The following DNASE1 variants were observed in gnomAD, a reference collection of about 807,000 sequenced individuals.
DNASE1 encodes deoxyribonuclease-1.
In DNASE1, 40 loss-of-function variants were observed where a neutral mutation model predicts 33.9. The ratio of observed to expected loss-of-function variants is 1.18; its 90% CI spans 0.92 to 1.54. DNASE1 has a LOEUF of 1.54. DNASE1 is among the 40% of genes most tolerant of loss of function. The pLI is 0.00. For synonymous variants in DNASE1, 216 were observed against 160.0 expected (o/e 1.35, Z -2.64); for missense variants, 518 against 372.6 (o/e 1.39, Z -3.21).
intron 1 of DNASE1, among the ~76,000 whole-genome samples, chr16:3,619,589 C>T (rs987818460): frequency 3.4e-5 from 5 of 145,948 alleles, no homozygotes; most frequent in South Asian, 2.2e-4. Flanking sequence ...TCTCTATCTG[C>T]GGACCTTGTG....
downstream of DNASE1, chr16:3,661,958 G>C (rs769018281): frequency 1.9e-6 from 3 of 1,570,246 alleles, no homozygotes; most frequent in Non-Finnish European, 2.6e-6. Flanking sequence ...GAATCCCACA[G>C]GCTGGAAGAG....
chr16:3,657,484 CAA>C (rs2042752868), intron 7 of DNASE1, 143 bp downstream of exon 7: 10 of 1,303,638 alleles, frequency 7.7e-6, no homozygotes, highest in Non-Finnish European at 9.4e-6. Context: ...AACAGAATAA[CAA>C]GAGCCACGAT....
At chr16:3,661,670 C>G (rs138142122), downstream of DNASE1, 1 of 304,670 alleles carries the variant, frequency 3.3e-6, no homozygotes, top group African/African-American at 2.1e-5. Flanking sequence ...CACCAAGATC[C>G]ACGTACAAAG....
chr16:3,655,945 A>G lies in DNASE1; in HGVS notation c.236+8A>G. On this transcript the variant is annotated splice_region_variant and intron_variant, in intron 3 of 8. Transcript: ENST00000246949. ...GCTGGACAACCTCAATCAGTGGGTG[A>G]CAGTGGCAGGGTCATAGGAAGGTGA... The G allele has an allele frequency of 6.2e-7, 1 of 1,613,670 alleles. No homozygotes were observed. The highest frequency in any genetic ancestry group is 1.1e-5 in the South Asian group (1 of 91,076).
downstream of DNASE1, chr16:3,658,689 A>C: frequency 1.7e-6 from 2 of 1,170,888 alleles, no homozygotes; most frequent in African/African-American, 3.1e-5. Flanking sequence ...AAACAAACAA[A>C]CAAAAAGACA....
At chr16:3,633,659 T>G (rs1337271262) in intron 1 of DNASE1, among the ~76,000 whole-genome samples, 1 of 151,896 alleles carries the variant, frequency 6.6e-6, no homozygotes, top group African/African-American at 2.4e-5. Context: ...GTATTTACAG[T>G]TACAACTAAT....
At chr16:3,638,227 C>T (rs940639971), upstream of DNASE1, among the ~76,000 whole-genome samples, 5 of 151,766 alleles carry the variant, frequency 3.3e-5, no homozygotes, top group South Asian at 2.1e-4. Context: ...TTTATCAGTA[C>T]ATAATATGCT....
intron 1 of DNASE1, among the ~76,000 whole-genome samples, chr16:3,637,834 C>T (rs2041915094): frequency 6.6e-6 from 1 of 152,154 alleles, no homozygotes; most frequent in African/African-American, 2.4e-5. Flanking sequence ...TTCCTACCCT[C>T]GTTTCCACTC....
At chr16:3,662,847 G>T, downstream of DNASE1, 1 of 1,607,658 alleles carries the variant, frequency 6.2e-7, no homozygotes, top group Non-Finnish European at 8.5e-7. Flanking sequence ...GGGACACTGC[G>T]GCCAAGTGGT....
chr16:3,645,056 C>G (rs975482818), intron 1 of DNASE1, among the ~76,000 whole-genome samples: 2 of 148,226 alleles, frequency 1.3e-5, no homozygotes, highest in South Asian at 2.1e-4. Flanking sequence ...ATCACTTGAG[C>G]CTGGGAGGCT....
intron 1 of DNASE1, among the ~76,000 whole-genome samples, chr16:3,613,137 A>T (rs919385293): frequency 1.3e-5 from 2 of 151,830 alleles, no homozygotes; most frequent in Non-Finnish European, 2.9e-5. Context: ...TCACTCCGCA[A>T]TTCCCCCGAC....
chr16:3,650,230 C>G (rs551191989), upstream of DNASE1, among the ~76,000 whole-genome samples: 22 of 152,304 alleles, frequency 1.4e-4, no homozygotes, highest in Admixed American at 1.0e-3. Context: ...GTGTCTTACT[C>G]TAGCATCGTC....
At chr16:3,625,031 G>A (rs1297759133) in intron 1 of DNASE1, among the ~76,000 whole-genome samples, 1 of 152,144 alleles carries the variant, frequency 6.6e-6, no homozygotes, top group Non-Finnish European at 1.5e-5. Flanking sequence ...TGGGGGCCGG[G>A]GGCAGTGGCT....
chr16:3,627,937 CAAAAAA>C (rs55920324), intron 1 of DNASE1, among the ~76,000 whole-genome samples: 43 of 80,388 alleles, frequency 5.3e-4, no homozygotes, highest in South Asian at 9.2e-4. Flanking sequence ...TCTATTTCTG[CAAAAAA>C]AAAAAAAAAA....
At chr16:3,646,664 G>C (rs1207815878) in intron 1 of DNASE1, among the ~76,000 whole-genome samples, 1 of 152,178 alleles carries the variant, frequency 6.6e-6, no homozygotes, top group Non-Finnish European at 1.5e-5. Flanking sequence ...AGAAACTGGT[G>C]ACAGATTTTA....
chr16:3,647,691 TTTA>T (rs1306092315), intron 1 of DNASE1, among the ~76,000 whole-genome samples: 2 of 152,152 alleles, frequency 1.3e-5, no homozygotes, highest in Non-Finnish European at 2.9e-5. Flanking sequence ...CTTTCAATAT[TTTA>T]TTAATAGTAT....
intron 1 of DNASE1, among the ~76,000 whole-genome samples, chr16:3,626,322 C>G (rs1158120945): frequency 6.6e-6 from 1 of 152,086 alleles, no homozygotes; most frequent in East Asian, 1.9e-4. Context: ...TCACTAAACT[C>G]AGCAGCATGA....
intron 1 of DNASE1, among the ~76,000 whole-genome samples, chr16:3,629,501 A>T (rs1319117404): frequency 6.6e-6 from 1 of 152,102 alleles, no homozygotes; most frequent in Non-Finnish European, 1.5e-5. Flanking sequence ...TTTGTAGAGG[A>T]TTTTTGCATC....
upstream of DNASE1, among the ~76,000 whole-genome samples, chr16:3,640,028 G>T (rs2041986859): frequency 1.3e-5 from 2 of 152,162 alleles, no homozygotes; most frequent in East Asian, 1.9e-4. Flanking sequence ...CTTTTCAGTG[G>T]GTCCAGTGCT....
Sources: gnomAD v4.1 joint callset for allele counts (sites outside exome capture counted in the v4.1 genomes callset) on GRCh38, gnomAD v4.1.1 for gene constraint, MANE v1.5 for transcripts, NCBI Gene and HGNC (gene_info 2026-07-23, HGNC 2026-07-21) for gene names.